Variants in SH2D1A observed in about 807,000 individuals in gnomAD.
SH2D1A encodes SH2 domain-containing protein 1A.
A neutral mutation model predicts 10.1 loss-of-function variants in SH2D1A; 6 were observed. That is an observed-to-expected ratio of 0.60 (90% CI 0.33 to 1.18). SH2D1A has a LOEUF of 1.18. SH2D1A is among the 50% of genes most tolerant of loss of function. SH2D1A has a pLI of 0.04. For synonymous variants in SH2D1A, 42 were observed against 36.9 expected, an observed-to-expected ratio of 1.14 and a Z score of -0.51; for missense variants, 51 against 97.6, an observed-to-expected ratio of 0.52 and a Z score of 2.01.
At chrX:124,351,056 T>TAAATATATATATTTTATATATATTATTAG (rs2060013483) in intron 1 of SH2D1A, among the ~76,000 whole-genome samples, 2 of 92,043 alleles carry the variant, frequency 2.2e-5, no homozygotes, top group Admixed American at 1.4e-4. Flanking sequence ...TATATTATTA[T>TAAATATATATATTTTATATATATTATTAG]AAATATATAT....
intron 1 of SH2D1A, among the ~76,000 whole-genome samples, chrX:124,349,269 G>C (rs1340658996): frequency 3.6e-5 from 4 of 111,852 alleles, no homozygotes; most frequent in Non-Finnish European, 5.6e-5. Flanking sequence ...GTGCTGCAGA[G>C]GGAAGATATG....
At chrX:124,361,016 A>T (rs1338054425) in intron 1 of SH2D1A, among the ~76,000 whole-genome samples, 2 of 111,453 alleles carry the variant, frequency 1.8e-5, no homozygotes, top group Non-Finnish European at 3.8e-5. Context: ...ATATTACAAC[A>T]TAAACCTAAT....
chrX:124,370,289 G>GT lies in SH2D1A; in HGVS notation c.316dup (p.Ser106PhefsTer4). 8.3e-7 allele frequency: 1 copy of GT among 1,202,493 alleles called. No homozygotes were observed. Among genetic ancestry groups the GT allele is most frequent in the Non-Finnish European group, 1.1e-6 (1 of 887,192 alleles). On this transcript the variant is annotated frameshift_variant, in exon 3 of 4. Transcript: ENST00000371139. LOFTEE classifies it high-confidence loss of function. ...CTCTGCAGTATCCAGTTGAGAAGAA[G>GT]TCCTCAGCTAGAAGTACACAAGGTA...
intron 1 of SH2D1A, among the ~76,000 whole-genome samples, chrX:124,351,029 AAT>A (rs1298610432): frequency 1.7e-3 from 151 of 89,207 alleles, no homozygotes; most frequent in Admixed American, 2.6e-3. Context: ...TATTATTATA[AAT>A]ATATATATTT....
chrX:124,350,238 ATAT>A lies in SH2D1A; in HGVS notation c.137+3463_137+3465del, dbSNP rs1372626439. On this transcript the variant is annotated intron_variant, in intron 1 of 3. Coordinates refer to ENST00000371139, the MANE Select transcript of SH2D1A (RefSeq NM_002351.5). ...ATAATATATAAATATATATTATATAATATTATATAATATATAATATATAAATAT... is the reference window on the plus strand; with the variant it reads ...ATAATATATAAATATATATTATATAATATATAATATATAATATATAAATAT... Among the ~76,000 whole-genome samples, 26 of 20,785 alleles carry A rather than the reference ATAT, an allele frequency of 1.3e-3. 2 individuals carry two copies. Among genetic ancestry groups the A allele is most frequent in the Non-Finnish European group, 1.6e-3 (24 of 15,106 alleles). The allele number at this position is 20,785 out of a possible 115,157, so 18.0% of individuals were successfully genotyped here.
chrX:124,346,920 G>A, intron 1 of SH2D1A, 141 bp downstream of exon 1: 1 of 659,450 alleles, frequency 1.5e-6, no homozygotes, highest in Non-Finnish European at 2.4e-6. Flanking sequence ...CCACCCTCAA[G>A]TCCAGCCCAG....
chrX:124,364,512 G>GTTTT, intron 1 of SH2D1A: 2 of 208,116 alleles, frequency 9.6e-6, no homozygotes, highest in Admixed American at 6.5e-5. Flanking sequence ...AAGCGATACA[G>GTTTT]TTTTTTTTTT....
intron 1 of SH2D1A, among the ~76,000 whole-genome samples, chrX:124,362,732 G>A (rs191280862): frequency 1.8e-5 from 2 of 111,449 alleles, no homozygotes; most frequent in East Asian, 2.8e-4. Flanking sequence ...TTTGGGGGTC[G>A]AGAGTGGAAT....
chrX:124,371,243 G>T (rs1391621627), intron 3 of SH2D1A, 108 bp from the exon 4 acceptor site: 2 of 524,710 alleles, frequency 3.8e-6, no homozygotes, highest in Non-Finnish European at 6.5e-6. Flanking sequence ...TTACTGTGTT[G>T]TGTCATTGTG....
intron 1 of SH2D1A, among the ~76,000 whole-genome samples, chrX:124,350,443 TATAA>T (rs1319671657): frequency 1.2e-4 from 3 of 26,026 alleles, no homozygotes; most frequent in African/African-American, 3.5e-4. Context: ...ATATATAATA[TATAA>T]ATATATATTA....
chrX:124,352,455 C>A (rs899686080), intron 1 of SH2D1A, among the ~76,000 whole-genome samples: 19 of 111,282 alleles, frequency 1.7e-4, no homozygotes, highest in African/African-American at 6.2e-4. Context: ...AATCTAGAAT[C>A]ATTTTATTAA....
chrX:124,346,827 G>A, intron 1 of SH2D1A, 48 bp downstream of exon 1: 1 of 1,201,107 alleles, frequency 8.3e-7, no homozygotes, highest in Non-Finnish European at 1.1e-6. Context: ...GTGGGCGGTG[G>A]GCAACAGCAG....
At chrX:124,356,103 T>C (rs2060025809) in intron 1 of SH2D1A, among the ~76,000 whole-genome samples, 1 of 94,087 alleles carries the variant, frequency 1.1e-5, no homozygotes, top group Non-Finnish European at 2.1e-5. Flanking sequence ...CCTTCCTGTG[T>C]CCAAGTGTTC....
intron 1 of SH2D1A, among the ~76,000 whole-genome samples, chrX:124,351,175 A>C (rs1372795606): frequency 9.9e-6 from 1 of 101,505 alleles, no homozygotes; most frequent in East Asian, 2.9e-4. Flanking sequence ...TACGTTTCCC[A>C]TTTCCCACTT....
At chrX:124,369,188 C>A (rs1257140189) in intron 2 of SH2D1A, among the ~76,000 whole-genome samples, 1 of 110,643 alleles carries the variant, frequency 9.0e-6, no homozygotes, top group Non-Finnish European at 1.9e-5. Flanking sequence ...GCTAAAAAAA[C>A]AAACAGCTCC....
At chrX:124,365,874 A>G (rs773188085) in intron 2 of SH2D1A, 50 bp downstream of exon 2, 4 of 776,644 alleles carry the variant, frequency 5.2e-6, no homozygotes, top group Non-Finnish European at 6.0e-6. Context: ...AGGTATTTGA[A>G]ATTTAGGCTG....
Position 124,373,042 on chromosome X carries a change from A to G in SH2D1A, c.*1651A>G, listed in dbSNP as rs2060073642. The G allele has an allele frequency of 6.4e-6, 1 of 156,499 alleles. No individual in the cohort carries two copies. Among genetic ancestry groups the G allele is most frequent in the Non-Finnish European group, 1.2e-5 (1 of 80,343 alleles). The allele number at this position is 156,499 out of a possible 1,213,427, so 12.9% of individuals were successfully genotyped here. On this transcript the variant is annotated 3_prime_UTR_variant, in exon 4 of 4. Transcript: ENST00000371139. The stretch of plus-strand genomic sequence containing the variant: ...AATGTGTTCATTCTGGAATAATCCT[A>G]AACATATGAATTATGTTTGCATGTT...
chrX:124,352,980 A>G (rs2060018778), intron 1 of SH2D1A, among the ~76,000 whole-genome samples: 1 of 111,768 alleles, frequency 8.9e-6, no homozygotes, highest in Non-Finnish European at 1.9e-5. Context: ...TGAAATAGCT[A>G]GAAGAGAGTA....
intron 2 of SH2D1A, among the ~76,000 whole-genome samples, chrX:124,367,991 T>C (rs1363578555): frequency 8.9e-6 from 1 of 111,930 alleles, no homozygotes; most frequent in Non-Finnish European, 1.9e-5. Context: ...TCCTTATTAA[T>C]CTAAGTAAAA....
Sources: allele counts gnomAD v4.1 joint callset (sites outside exome capture counted in the v4.1 genomes callset), GRCh38; gene constraint gnomAD v4.1.1; transcripts MANE v1.5; gene names NCBI Gene and HGNC (gene_info 2026-07-23, HGNC 2026-07-21).